HUWE1: variants seen among roughly 807,000 people sequenced by gnomAD.
HUWE1 encodes the protein HECT, UBA and WWE domain containing E3 ubiquitin protein ligase 1, also known as E3 ubiquitin-protein ligase HUWE1.
A neutral mutation model predicts 299.4 loss-of-function variants in HUWE1; 18 were observed. The ratio of observed to expected loss-of-function variants is 0.06; its 90% confidence interval spans 0.04 to 0.09. The LOEUF (loss-of-function observed/expected upper bound fraction) is 0.09, where lower values mean the gene tolerates loss of function less well. Among genes scored for constraint, HUWE1 ranks in the 10% least tolerant of loss-of-function variants. The pLI is 1.00. For synonymous variants in HUWE1, 1,317 were observed against 1,286.1 expected, an observed-to-expected ratio of 1.02 and a Z score of -0.51; for missense variants, 1,832 against 3,462.3, an observed-to-expected ratio of 0.53 and a Z score of 11.82.
At chrX:53,624,982 C>T (rs781973346) in intron 18 of HUWE1, among the ~76,000 whole-genome samples, 175 bp downstream of exon 18, 1 of 112,192 alleles carries the variant, frequency 8.9e-6, no homozygotes, top group Non-Finnish European at 1.9e-5. Context: ...ATGAAAATAG[C>T]TAAGCAACAC....
At chrX:53,659,490 G>A (rs1440435396) in intron 3 of HUWE1, among the ~76,000 whole-genome samples, 1 of 112,005 alleles carries the variant, frequency 8.9e-6, no homozygotes, top group Non-Finnish European at 1.9e-5. Flanking sequence ...TTCTAGAAAA[G>A]AAAAAACTAT....
intron 9 of HUWE1, chrX:53,631,983 G>T: frequency 3.1e-6 from 1 of 323,316 alleles, no homozygotes; most frequent in Admixed American, 4.4e-5. Flanking sequence ...TTGCTTTCAA[G>T]GCAATTAAGC....
Position 53,580,910 on chromosome X carries a change from G to A in HUWE1, c.5637C>T (p.Cys1879=). 8.3e-7 allele frequency: 1 copy of A among 1,211,373 alleles called. No individual in the cohort carries two copies. The highest frequency in any genetic ancestry group is 1.1e-6 in the Non-Finnish European group (1 of 895,235). The change falls in exon 43 of 84, where the codon TGC becomes TGT. Residue 1879 remains cysteine, a synonymous_variant. Coordinates refer to ENST00000262854, the MANE Select transcript of HUWE1 (RefSeq NM_031407.7). ...YILRVLGPAA[C]RNPDIFTEVA... is the part of the protein sequence containing the mutation. ...CTTCTGTGAATATGTCTGGATTGCG[G>A]CATGCGGCTGGCCCAAGGACACGAA... is the stretch of plus-strand genomic sequence containing the variant.
chrX:53,592,149 G>A (rs1378209016), intron 33 of HUWE1, among the ~76,000 whole-genome samples: 5 of 111,944 alleles, frequency 4.5e-5, no homozygotes, highest in African/African-American at 1.6e-4. Flanking sequence ...CCTCCACTGA[G>A]GCAGCAGGAG....
chrX:53,671,383 C>T (rs2069520330), intron 3 of HUWE1, among the ~76,000 whole-genome samples: 1 of 111,980 alleles, frequency 8.9e-6, no homozygotes, highest in Non-Finnish European at 1.9e-5. Context: ...GCTGAATTAC[C>T]TGTATGTTAG....
intron 3 of HUWE1, among the ~76,000 whole-genome samples, chrX:53,672,072 CAG>C (rs1411679027): frequency 2.1e-4 from 23 of 108,393 alleles, no homozygotes; most frequent in South Asian, 4.0e-4. Flanking sequence ...AGACATGAAA[CAG>C]GGGTCAATAT....
chrX:53,533,194 TTGGTG>T lies in HUWE1; in HGVS notation c.*110_*114del. 2 of 518,966 alleles carry T rather than the reference TTGGTG, an allele frequency of 3.9e-6. No individual in the cohort carries two copies. The highest frequency in any genetic ancestry group is 6.9e-6 in the Non-Finnish European group (2 of 288,744). The allele number at this position is 518,966 out of a possible 1,213,427, so 42.8% of individuals were successfully genotyped here. On this transcript the variant is annotated 3_prime_UTR_variant, in exon 84 of 84. Transcript: ENST00000262854. ...GGGCAGCTGGGACACACACGGTGAG[TTGGTG>T]GATTTCATTTATTGGTTTTTGACAA...
intron 3 of HUWE1, among the ~76,000 whole-genome samples, chrX:53,657,145 T>A (rs947673531): frequency 2.2e-4 from 25 of 111,831 alleles, no homozygotes; most frequent in African/African-American, 7.5e-4. Flanking sequence ...CTCTCAAAAT[T>A]CAACAGTGAA....
At chrX:53,594,141 C>T (rs1370748283) in intron 31 of HUWE1, among the ~76,000 whole-genome samples, 3 of 111,264 alleles carry the variant, frequency 2.7e-5, no homozygotes, top group Admixed American at 1.9e-4. Flanking sequence ...CACAAAAAAA[C>T]CTAAACCAGT....
chrX:53,611,830 C>T (rs1484714745), intron 23 of HUWE1, among the ~76,000 whole-genome samples: 4 of 106,965 alleles, frequency 3.7e-5, no homozygotes, highest in African/African-American at 1.4e-4. Context: ...TGCACTCCAG[C>T]CTGGGTGATG....
chrX:53,663,020 T>A (rs2069082374), intron 3 of HUWE1, among the ~76,000 whole-genome samples: 1 of 111,984 alleles, frequency 8.9e-6, no homozygotes, highest in Non-Finnish European at 1.9e-5. Flanking sequence ...ACTAGCTAAT[T>A]ATGCTATCAC....
At chrX:53,650,628 A>G (rs1416350340) in intron 4 of HUWE1, among the ~76,000 whole-genome samples, 3 of 112,533 alleles carry the variant, frequency 2.7e-5, no homozygotes, top group Non-Finnish European at 3.8e-5. Flanking sequence ...AACAATTGCC[A>G]GGGTTTACAG....
intron 29 of HUWE1, among the ~76,000 whole-genome samples, chrX:53,597,242 A>G (rs1215761208): frequency 9.1e-6 from 1 of 110,463 alleles, no homozygotes; most frequent in African/African-American, 3.3e-5. Context: ...CAGGCAACAG[A>G]TAAGTTCCCA....
intron 76 of HUWE1, 59 bp downstream of exon 76, chrX:53,538,776 G>T: frequency 9.4e-7 from 1 of 1,058,897 alleles, no homozygotes; most frequent in East Asian, 3.2e-5. Context: ...TTAACTGTAT[G>T]AAACAATCCT....
At chrX:53,574,432 T>C (rs1556956268) in intron 46 of HUWE1, among the ~76,000 whole-genome samples, 1 of 112,376 alleles carries the variant, frequency 8.9e-6, no homozygotes, top group Non-Finnish European at 1.9e-5. Flanking sequence ...ATTATAACTC[T>C]TGCAGGTCTC....
At chrX:53,655,094 G>C (rs6638411) in intron 3 of HUWE1, among the ~76,000 whole-genome samples, 2 of 109,698 alleles carry the variant, frequency 1.8e-5, no homozygotes, top group Non-Finnish European at 3.8e-5. Flanking sequence ...GTCCTCCAAA[G>C]CACAAGAAGA....
intron 3 of HUWE1, among the ~76,000 whole-genome samples, chrX:53,667,769 C>T (rs1557048107): frequency 3.6e-5 from 4 of 111,632 alleles, no homozygotes; most frequent in Admixed American, 9.5e-5. Context: ...TCATCCTATA[C>T]TGAAGGATGA....
intron 49 of HUWE1, among the ~76,000 whole-genome samples, chrX:53,566,133 G>GTGTGTATATATATATATATA (rs782815282): frequency 5.1e-5 from 2 of 38,971 alleles, no homozygotes; most frequent in African/African-American, 9.7e-5. Flanking sequence ...GTGTGTGTGT[G>GTGTGTATATATATATATATA]TATATATATA....
At chrX:53,621,271 C>T (rs781856865) in intron 19 of HUWE1, among the ~76,000 whole-genome samples, 2 of 110,189 alleles carry the variant, frequency 1.8e-5, no homozygotes, top group African/African-American at 6.6e-5. Flanking sequence ...GTCTATACCT[C>T]ATTTGGCTCA....
Sources: allele counts gnomAD v4.1 joint callset (sites outside exome capture counted in the v4.1 genomes callset), GRCh38; gene constraint gnomAD v4.1.1; transcripts MANE v1.5; gene names NCBI Gene and HGNC (gene_info 2026-07-23, HGNC 2026-07-21).